Variants in ZYG11B observed in about 807,000 individuals in gnomAD.
ZYG11B encodes the protein zyg-11 family member B, cell cycle regulator.
Under a neutral mutation model 82.4 loss-of-function variants are expected in ZYG11B, and 36 were observed. The observed-to-expected ratio is 0.44, with a 90% confidence interval of 0.33 to 0.58. ZYG11B has a LOEUF of 0.58. Ranked by LOEUF, ZYG11B falls within the 20% of genes least tolerant of loss-of-function variation. The probability of loss-of-function intolerance (pLI) is 0.02; values close to 1 mark genes in which losing one functional copy is unlikely to be tolerated. For synonymous variants in ZYG11B, 303 were observed against 312.8 expected, an observed-to-expected ratio of 0.97 and a Z score of 0.33; for missense variants, 552 against 895.6, an observed-to-expected ratio of 0.62 and a Z score of 4.90.
chr1:52,804,810 G>C (rs1320246858), intron 10 of ZYG11B, among the ~76,000 whole-genome samples: 1 of 151,750 alleles, frequency 6.6e-6, no homozygotes, highest in Non-Finnish European at 1.5e-5. Context: ...AAAAAATATT[G>C]GTCAGGTGCA....
intron 2 of ZYG11B, among the ~76,000 whole-genome samples, chr1:52,769,424 A>T (rs1644727464): frequency 6.6e-6 from 1 of 152,334 alleles, no homozygotes; most frequent in South Asian, 2.1e-4. Flanking sequence ...AAAAATTGAG[A>T]TACTTTACAT....
In ZYG11B at chr1:52,810,245, TA is replaced by T. The variant is rs139989009; in HGVS notation, c.1696-3290del. Among the ~76,000 whole-genome samples, 1,058 of 152,298 alleles carry T rather than the reference TA, an allele frequency of 6.9e-3. 20 individuals are homozygous for T. The highest frequency in any genetic ancestry group is 0.024 in the African/African-American group (1,016 of 41,560). ...GTTTTTCCATACTGGGTGATGAGAA[TA>T]TGTGAGAACATGCACTATTCCTGGC... On this transcript the variant is annotated intron_variant, in intron 10 of 13. Coordinates refer to ENST00000294353, the MANE Select transcript of ZYG11B (RefSeq NM_024646.3).
intron 13 of ZYG11B, among the ~76,000 whole-genome samples, chr1:52,820,105 G>T (rs932136954): frequency 6.6e-5 from 10 of 150,426 alleles, no homozygotes; most frequent in Non-Finnish European, 1.5e-4. Flanking sequence ...TAGTAGAGAC[G>T]GGGTTTCACC....
At chr1:52,758,744 T>C (rs1177246126) in intron 2 of ZYG11B, among the ~76,000 whole-genome samples, 1 of 152,122 alleles carries the variant, frequency 6.6e-6, no homozygotes, top group Non-Finnish European at 1.5e-5. Flanking sequence ...CATTGCTTGT[T>C]TTTCACAAAG....
chr1:52,772,494 A>C, intron 3 of ZYG11B: 1 of 1,599,278 alleles, frequency 6.3e-7, no homozygotes. Flanking sequence ...TCTCACGATT[A>C]CACCGATCTG....
chr1:52,773,488 AAG>A (rs1310762359), intron 3 of ZYG11B, among the ~76,000 whole-genome samples: 2 of 149,138 alleles, frequency 1.3e-5, no homozygotes, highest in African/African-American at 2.5e-5. Flanking sequence ...AAAAAAAAAA[AAG>A]AAAATGATAT....
chr1:52,810,444 G>A (rs1054434144), intron 10 of ZYG11B, among the ~76,000 whole-genome samples: 5 of 152,120 alleles, frequency 3.3e-5, no homozygotes, highest in Admixed American at 1.3e-4. Context: ...TGTCCTGTGA[G>A]TTACCTTCAT....
At chr1:52,772,637 C>A in intron 3 of ZYG11B, 1 of 937,790 alleles carries the variant, frequency 1.1e-6, no homozygotes. Flanking sequence ...CAGGAGCACG[C>A]ATACGACCCA....
intron 6 of ZYG11B, among the ~76,000 whole-genome samples, chr1:52,790,742 A>G (rs1269244338): frequency 8.0e-6 from 1 of 124,434 alleles, no homozygotes; most frequent in Admixed American, 8.2e-5. Flanking sequence ...AAAAAAAAAG[A>G]CATAGGTCTT....
intron 8 of ZYG11B, among the ~76,000 whole-genome samples, chr1:52,797,730 C>T (rs1195455561): frequency 2.7e-5 from 4 of 150,340 alleles, no homozygotes; most frequent in South Asian, 4.2e-4. Flanking sequence ...AGGATGGTCT[C>T]GATCTCCTGA....
chr1:52,777,432 A>G (rs972630901), intron 3 of ZYG11B, among the ~76,000 whole-genome samples: 9 of 151,982 alleles, frequency 5.9e-5, no homozygotes, highest in Admixed American at 2.6e-4. Flanking sequence ...GCATATTCCA[A>G]TCTGAACGTT....
At chr1:52,777,654 C>G (rs183150522) in intron 3 of ZYG11B, among the ~76,000 whole-genome samples, 186 of 152,176 alleles carry the variant, frequency 1.2e-3, no homozygotes, top group African/African-American at 4.3e-3. Flanking sequence ...GTTCCCCAGG[C>G]TGGTTTTGAA....
chr1:52,765,734 C>T (rs1644677569), intron 2 of ZYG11B, among the ~76,000 whole-genome samples: 1 of 151,942 alleles, frequency 6.6e-6, no homozygotes, highest in South Asian at 2.1e-4. Context: ...AACTCCTGGC[C>T]TCGGGTAATC....
Position 52,824,052 on chromosome 1 carries a change from A to C in ZYG11B, c.*2423A>C, listed in dbSNP as rs1199677061. 6.6e-6 allele frequency: 1 copy of C among 152,058 alleles called. No homozygotes were observed. Among genetic ancestry groups the C allele is most frequent in the Non-Finnish European group, 1.5e-5 (1 of 68,046 alleles). 9.4% of individuals were successfully genotyped at this position (152,058 alleles called of 1,614,324 possible). ...CTCGGGAGGCTGAGGCACGAGAATC[A>C]CTTGAACCCAGGAAGTGGAGGTTGC... is the stretch of plus-strand genomic sequence containing the variant. On this transcript the variant is annotated 3_prime_UTR_variant, in exon 14 of 14. Transcript: ENST00000294353.
intron 1 of ZYG11B, among the ~76,000 whole-genome samples, chr1:52,756,014 G>A (rs138522083): frequency 2.0e-5 from 3 of 152,254 alleles, no homozygotes; most frequent in Admixed American, 6.5e-5. Context: ...TGGCCAGGCT[G>A]GTCTCGAACT....
intron 10 of ZYG11B, among the ~76,000 whole-genome samples, chr1:52,803,205 CACACACAT>C (rs1558140427): frequency 0.079 from 3,582 of 45,524 alleles, 525 homozygotes; most frequent in East Asian, 0.62. Flanking sequence ...TATATATATA[CACACACAT>C]ATATATATAT....
At chr1:52,801,135 AGGAAATAAAAAGGGAAGGGGAAAG>A (rs911193157) in intron 8 of ZYG11B, among the ~76,000 whole-genome samples, 12 of 152,132 alleles carry the variant, frequency 7.9e-5, no homozygotes, top group Non-Finnish European at 1.3e-4. Context: ...GAAGGGGAAA[AGGAAATAAAAAGGGAAGGGGAAAG>A]GGGGAAAAAT....
At chr1:52,749,081 T>C (rs1644500474) in intron 1 of ZYG11B, among the ~76,000 whole-genome samples, 1 of 151,764 alleles carries the variant, frequency 6.6e-6, no homozygotes, top group African/African-American at 2.4e-5. Flanking sequence ...CGCGTGCCTG[T>C]AATCCCAGGT....
chr1:52,821,210 G>A (rs192052939), intron 13 of ZYG11B, among the ~76,000 whole-genome samples: 3 of 151,820 alleles, frequency 2.0e-5, no homozygotes, highest in African/African-American at 7.2e-5. Flanking sequence ...TACATGTCTT[G>A]AGGTTAGAAA....
Sources: allele counts gnomAD v4.1 joint callset (sites outside exome capture counted in the v4.1 genomes callset), GRCh38; gene constraint gnomAD v4.1.1; transcripts MANE v1.5; gene names NCBI Gene and HGNC (gene_info 2026-07-23, HGNC 2026-07-21).